The following GRIK3 variants were observed in gnomAD, a reference collection of about 807,000 sequenced individuals.
GRIK3 encodes glutamate ionotropic receptor kainate type subunit 3, also known as glutamate receptor ionotropic, kainate 3.
Under a neutral mutation model 102.5 loss-of-function variants are expected in GRIK3, and 29 were observed. The ratio of observed to expected loss-of-function variants is 0.28; its 90% CI spans 0.21 to 0.39. GRIK3 has a LOEUF of 0.39. Ranked by LOEUF, GRIK3 falls within the 10% of genes least tolerant of loss-of-function variation. The pLI is 1.00. For missense variants in GRIK3, 908 were observed against 1,252.4 expected (o/e 0.73, Z 4.15); for synonymous variants, 511 against 504.9 (o/e 1.01, Z -0.16).
At chr1:36,865,670 C>G (rs535810206) in intron 5 of GRIK3, among the ~76,000 whole-genome samples, 1 of 152,180 alleles carries the variant, frequency 6.6e-6, no homozygotes, top group African/African-American at 2.4e-5. Flanking sequence ...TCCATTCTTC[C>G]CGACCCTCAG....
chr1:36,801,968 C>T lies in GRIK3; in HGVS notation c.2643G>A (p.Gln881=). Residue 881 remains glutamine (Q), a synonymous_variant, in exon 16 of 16, where the codon CAG becomes CAA. Transcript: ENST00000373091. The part of the protein sequence containing the change: ...TCQRRVKHKP[Q]PPMMVKTDAV... ...CGTCAGTCTTGACCATCATGGGAGG[C>T]TGAGGCTTGTGCTTGACTCGACGCT... The T allele has an allele frequency of 6.2e-7, 1 of 1,614,090 alleles. No homozygotes were observed. Among genetic ancestry groups the T allele is most frequent in the Non-Finnish European group, 8.5e-7 (1 of 1,179,996 alleles).
rs1570731159 is a variant in GRIK3, at chr1:36,800,396, C to T, written c.*1455G>A. 1 of 152,334 alleles carries T rather than the reference C, an allele frequency of 6.6e-6. No homozygotes were observed. The highest frequency in any genetic ancestry group is 1.9e-4 in the East Asian group (1 of 5,182). 9.4% of individuals were successfully genotyped at this position (152,334 alleles called of 1,614,324 possible). On this transcript the variant is annotated 3_prime_UTR_variant, in exon 16 of 16. Transcript: ENST00000373091. Reference sequence around the variant, plus strand: ...TCATGTCTCATTCTTTTCCAAGACTCTTAAAGTCACAGACCTCTAGAGCAT... The same window carrying T: ...TCATGTCTCATTCTTTTCCAAGACTTTTAAAGTCACAGACCTCTAGAGCAT...
At chr1:36,951,529 G>T (rs1186872943) in intron 1 of GRIK3, among the ~76,000 whole-genome samples, 1 of 152,212 alleles carries the variant, frequency 6.6e-6, no homozygotes, top group Non-Finnish European at 1.5e-5. Context: ...CATGGCTTCT[G>T]TCCTACTTAT....
At chr1:36,982,750 G>A (rs972610144) in intron 1 of GRIK3, among the ~76,000 whole-genome samples, 5 of 151,028 alleles carry the variant, frequency 3.3e-5, no homozygotes, top group Non-Finnish European at 5.9e-5. Flanking sequence ...CTTTAAGCAG[G>A]CAGGAAAGTG....
At chr1:36,860,350 G>T (rs1640707863) in intron 5 of GRIK3, among the ~76,000 whole-genome samples, 1 of 152,258 alleles carries the variant, frequency 6.6e-6, no homozygotes, top group Non-Finnish European at 1.5e-5. Flanking sequence ...TGCAGAGGAA[G>T]CTTAATGAGG....
At chr1:37,025,754 T>C (rs907570353) in intron 1 of GRIK3, among the ~76,000 whole-genome samples, 2 of 152,234 alleles carry the variant, frequency 1.3e-5, no homozygotes, top group Admixed American at 6.5e-5. Context: ...GTCCCTTTAA[T>C]AGCACAAGAC....
At chr1:36,883,766 G>A (rs963642269) in intron 2 of GRIK3, among the ~76,000 whole-genome samples, 4 of 152,190 alleles carry the variant, frequency 2.6e-5, no homozygotes, top group Non-Finnish European at 4.4e-5. Context: ...TGGGCTTAAG[G>A]ATGGTCCAGA....
intron 1 of GRIK3, among the ~76,000 whole-genome samples, chr1:37,024,097 GC>G (rs1274470794): frequency 6.6e-6 from 1 of 152,174 alleles, no homozygotes; most frequent in Non-Finnish European, 1.5e-5. Context: ...CTGAATGGCT[GC>G]TAAAAAGCCT....
rs1006233880 is a variant in GRIK3, at chr1:36,806,468, G to A, written c.2092-142C>T. The A allele has an allele frequency of 5.1e-6, 3 of 589,634 alleles. No homozygotes were observed. The highest frequency in any genetic ancestry group is 9.0e-6 in the Non-Finnish European group (3 of 333,702). 36.5% of individuals were successfully genotyped at this position (589,634 alleles called of 1,614,324 possible). Reference sequence around the variant, plus strand: ...GAAAGGAAGTGCTACACGGTGCTCAGATATAGAAATTGAGGCCCCGGGGCA... The same window carrying A: ...GAAAGGAAGTGCTACACGGTGCTCAAATATAGAAATTGAGGCCCCGGGGCA... On this transcript the variant is annotated intron_variant, in intron 13 of 15. Transcript: ENST00000373091. The surrounding 1 kb of genome is among the most constrained non-coding windows in gnomAD (Gnocchi z 4.0).
intron 1 of GRIK3, among the ~76,000 whole-genome samples, chr1:37,009,898 G>T (rs1321123191): frequency 6.6e-6 from 1 of 152,124 alleles, no homozygotes; most frequent in African/African-American, 2.4e-5. Context: ...ACTGTTGGGG[G>T]GAGCTTGGAG....
intron 1 of GRIK3, among the ~76,000 whole-genome samples, chr1:36,993,769 T>G (rs1424216337): frequency 6.6e-6 from 1 of 152,196 alleles, no homozygotes; most frequent in Admixed American, 6.5e-5. Flanking sequence ...CCCAAGGTCA[T>G]GCCTCCTTCC....
intron 1 of GRIK3, among the ~76,000 whole-genome samples, chr1:36,917,324 T>G (rs955696824): frequency 1.3e-5 from 2 of 152,228 alleles, no homozygotes; most frequent in African/African-American, 2.4e-5. Context: ...TTGTCTCAGA[T>G]GAGACTTTGA....
intron 9 of GRIK3, among the ~76,000 whole-genome samples, chr1:36,842,282 C>A (rs967695276): frequency 6.6e-6 from 1 of 152,174 alleles, no homozygotes; most frequent in South Asian, 2.1e-4. Context: ...AGAGGCTCAG[C>A]GTGTGGTCCC....
At chr1:36,860,863 T>C (rs1015548828) in intron 5 of GRIK3, among the ~76,000 whole-genome samples, 2 of 152,180 alleles carry the variant, frequency 1.3e-5, no homozygotes, top group Non-Finnish European at 2.9e-5. Context: ...AGGGTAGCGG[T>C]GCGTTTTTCC....
chr1:36,822,711 A>C (rs1642709293), intron 11 of GRIK3, among the ~76,000 whole-genome samples: 4 of 152,094 alleles, frequency 2.6e-5, no homozygotes, highest in Non-Finnish European at 5.9e-5. Flanking sequence ...CTTCCTTGGG[A>C]TACTCAACCC....
intron 1 of GRIK3, among the ~76,000 whole-genome samples, chr1:36,942,479 C>T (rs1415975044): frequency 1.3e-5 from 2 of 152,188 alleles, no homozygotes; most frequent in Admixed American, 6.5e-5. Flanking sequence ...CCAAACCTCC[C>T]GTGAATTCCA....
chr1:36,805,258 C>G (rs1642486353), intron 14 of GRIK3, 21 bp from the exon 15 acceptor site: 1 of 1,590,064 alleles, frequency 6.3e-7, no homozygotes, highest in Non-Finnish European at 8.6e-7. Flanking sequence ...AGAAGGGACC[C>G]CTAGCCATCA....
At chr1:36,861,593 TAGAG>T (rs1640727750) in intron 5 of GRIK3, among the ~76,000 whole-genome samples, 1 of 152,206 alleles carries the variant, frequency 6.6e-6, no homozygotes, top group Admixed American at 6.5e-5. Flanking sequence ...TGATAAAGCC[TAGAG>T]ACCTTTCATG....
In GRIK3 at chr1:36,853,647, T is replaced by C. The variant is rs775302691; in HGVS notation, c.1180A>G (p.Ile394Val). 53 of 1,613,680 alleles carry C rather than the reference T, an allele frequency of 3.3e-5. No individual in the cohort carries two copies. Among genetic ancestry groups the C allele is most frequent in the South Asian group, 5.5e-5 (5 of 91,076 alleles). The change falls in exon 8 of 16, where the codon ATC (isoleucine) becomes GTC (valine). Residue 394 changes from isoleucine to valine, a missense_variant. By Grantham distance (29) the Ile-to-Val change is conservative (BLOSUM62 3). This residue lies in a region of GRIK3 where 585 missense variants were observed against 824.9 expected (regional missense o/e 0.71). Transcript: ENST00000373091. ...SGLRTDFDLD[I>V]ISLKEDGLEK... ...AGGCCATCCTCTTTCAGGCTGATGA[T>C]GTCCAGATCAAAATCCGTCCGCAAG...
Sources: gnomAD v4.1 joint callset for allele counts (sites outside exome capture counted in the v4.1 genomes callset) on GRCh38, gnomAD v4.1.1 for gene constraint, gnomAD v4.1.1 regional missense constraint, Gnocchi (gnomAD v3.1) non-coding constraint, MANE v1.5 for transcripts, NCBI Gene and HGNC (gene_info 2026-07-23, HGNC 2026-07-21) for gene names.